FSTL5: variants seen among roughly 807,000 people sequenced by gnomAD.
FSTL5 encodes follistatin-related protein 5.
A neutral mutation model predicts 89.1 loss-of-function variants in FSTL5; 62 were observed. The ratio of observed to expected loss-of-function variants is 0.70; its 90% CI spans 0.57 to 0.86. The LOEUF is 0.86. Among genes scored for constraint, FSTL5 ranks in the 40% least tolerant of loss-of-function variants. The pLI, the probability that FSTL5 is intolerant of heterozygous loss-of-function variation, is 0.00. For missense variants in FSTL5, 1,057 were observed against 1,001.6 expected, an observed-to-expected ratio of 1.06 and a Z score of -0.75; for synonymous variants, 383 against 346.2, an observed-to-expected ratio of 1.11 and a Z score of -1.18.
At chr4:161,962,344 T>C (rs1735205149) in intron 3 of FSTL5, among the ~76,000 whole-genome samples, 1 of 152,028 alleles carries the variant, frequency 6.6e-6, no homozygotes, top group Admixed American at 6.6e-5. Flanking sequence ...CAATGTATAA[T>C]TATTTTGATA....
chr4:161,585,627 G>A (rs1441784868), intron 8 of FSTL5, among the ~76,000 whole-genome samples: 2 of 145,378 alleles, frequency 1.4e-5, no homozygotes, highest in Non-Finnish European at 1.5e-5. Flanking sequence ...TAATCTTGTT[G>A]AATAGGCAAA....
At chr4:161,516,549 TTA>T (rs1477121885) in intron 10 of FSTL5, among the ~76,000 whole-genome samples, 2 of 141,870 alleles carry the variant, frequency 1.4e-5, no homozygotes, top group South Asian at 2.2e-4. Context: ...ATATAGTAAA[TTA>T]TATATATTTC....
chr4:161,437,337 C>T (rs574057886), intron 15 of FSTL5, among the ~76,000 whole-genome samples: 9 of 151,966 alleles, frequency 5.9e-5, no homozygotes, highest in African/African-American at 2.2e-4. Flanking sequence ...GAGGCCGAGG[C>T]GGGCGGATTA....
intron 3 of FSTL5, among the ~76,000 whole-genome samples, chr4:161,950,354 GCTTT>G (rs1401238443): frequency 5.3e-5 from 8 of 152,244 alleles, no homozygotes; most frequent in African/African-American, 1.7e-4. Flanking sequence ...GCATTTAGGT[GCTTT>G]CTTTTTCTGT....
chr4:161,781,818 T>C (rs567491831), intron 4 of FSTL5, among the ~76,000 whole-genome samples: 2 of 152,334 alleles, frequency 1.3e-5, no homozygotes, highest in African/African-American at 4.8e-5. Context: ...CTGACAATTG[T>C]ATAATGACAT....
At chr4:162,125,459 T>G (rs576993265) in intron 1 of FSTL5, among the ~76,000 whole-genome samples, 1 of 152,304 alleles carries the variant, frequency 6.6e-6, no homozygotes, top group Admixed American at 6.5e-5. Flanking sequence ...AAAGTTTATT[T>G]GATTTATAAT....
At chr4:161,624,956 T>C (rs1233830965) in intron 7 of FSTL5, among the ~76,000 whole-genome samples, 2 of 152,134 alleles carry the variant, frequency 1.3e-5, no homozygotes, top group Non-Finnish European at 2.9e-5. Context: ...AAACCCTTTT[T>C]TGGGGACCAT....
At chr4:161,770,038 AG>A (rs1359781476) in intron 5 of FSTL5, among the ~76,000 whole-genome samples, 5 of 152,236 alleles carry the variant, frequency 3.3e-5, no homozygotes, top group African/African-American at 7.2e-5. Flanking sequence ...GCCATAAAAA[AG>A]AATGAAATCC....
At chr4:162,032,000 C>G (rs1023957) in intron 3 of FSTL5, among the ~76,000 whole-genome samples, 38,387 of 151,944 alleles carry the variant, frequency 0.25, 5,428 homozygotes, top group Non-Finnish European at 0.32. Flanking sequence ...GAACCATGTG[C>G]TAGCTAATAA....
intron 8 of FSTL5, among the ~76,000 whole-genome samples, chr4:161,582,525 G>A (rs571747934): frequency 3.9e-4 from 60 of 152,156 alleles, no homozygotes; most frequent in Non-Finnish European, 6.3e-4. Flanking sequence ...AAAAACATGC[G>A]TTTAAAGTTC....
intron 3 of FSTL5, chr4:162,022,768 A>G (rs1737137703): frequency 6.6e-6 from 1 of 152,178 alleles, no homozygotes; most frequent in African/African-American, 2.4e-5. Flanking sequence ...TTTAGGCACA[A>G]GATTAAGAGG....
intron 4 of FSTL5, among the ~76,000 whole-genome samples, chr4:161,908,233 A>G (rs1237763889): frequency 1.3e-5 from 2 of 152,040 alleles, no homozygotes; most frequent in South Asian, 4.1e-4. Flanking sequence ...TTCCATCTTT[A>G]CAGAGAACCT....
chr4:161,649,629 C>T (rs1285278870), intron 7 of FSTL5, among the ~76,000 whole-genome samples: 1 of 152,022 alleles, frequency 6.6e-6, no homozygotes, highest in Non-Finnish European at 1.5e-5. Flanking sequence ...CTTAGATGAC[C>T]TTATATAGAG....
At chr4:161,718,629 T>A (rs559455700) in intron 6 of FSTL5, among the ~76,000 whole-genome samples, 2 of 152,178 alleles carry the variant, frequency 1.3e-5, no homozygotes, top group East Asian at 3.9e-4. Flanking sequence ...GGGGTTTCAC[T>A]ATGTTAGCCA....
intron 3 of FSTL5, among the ~76,000 whole-genome samples, chr4:161,978,599 C>T (rs72693218): frequency 0.1 from 15,537 of 152,050 alleles, 866 homozygotes; most frequent in East Asian, 0.21. Context: ...CTAAGAATAA[C>T]GATGGTCTTC....
At chr4:161,629,674 T>C (rs1560986709) in intron 7 of FSTL5, among the ~76,000 whole-genome samples, 2 of 152,154 alleles carry the variant, frequency 1.3e-5, no homozygotes, top group Non-Finnish European at 2.9e-5. Flanking sequence ...AAGAAGCATC[T>C]TGGAGGGAAG....
intron 6 of FSTL5, among the ~76,000 whole-genome samples, chr4:161,686,195 G>A (rs1377350995): frequency 7.4e-5 from 11 of 149,592 alleles, no homozygotes; most frequent in African/African-American, 2.7e-4. Flanking sequence ...GTTCATCAGG[G>A]ATATTGGTCT....
intron 6 of FSTL5, among the ~76,000 whole-genome samples, chr4:161,693,465 T>C (rs1373666173): frequency 6.6e-6 from 1 of 152,086 alleles, no homozygotes; most frequent in Non-Finnish European, 1.5e-5. Flanking sequence ...CATTTCTTTG[T>C]TGGTAGATTT....
chr4:161,891,362 G>C (rs1732982884), intron 4 of FSTL5, among the ~76,000 whole-genome samples: 1 of 151,944 alleles, frequency 6.6e-6, no homozygotes, highest in Admixed American at 6.6e-5. Context: ...TCTCCTTTAA[G>C]ACAAATGTTA....
Sources: allele counts gnomAD v4.1 joint callset (sites outside exome capture counted in the v4.1 genomes callset), GRCh38; gene constraint gnomAD v4.1.1; transcripts MANE v1.5; gene names NCBI Gene and HGNC (gene_info 2026-07-23, HGNC 2026-07-21).